Variants in SRR observed in about 807,000 individuals in gnomAD.
The protein encoded by SRR is serine racemase, also known as D-serine ammonia-lyase.
Under a neutral mutation model 32.7 loss-of-function variants are expected in SRR, and 19 were observed. The ratio of observed to expected loss-of-function variants is 0.58; its 90% CI spans 0.40 to 0.85. The LOEUF (loss-of-function observed/expected upper bound fraction) is 0.85. Ranked by LOEUF, SRR falls within the 40% of genes least tolerant of loss-of-function variation. SRR has a pLI of 0.00. For synonymous variants in SRR, 142 were observed against 140.9 expected (o/e 1.01, Z -0.06); for missense variants, 373 against 404.7 (o/e 0.92, Z 0.67).
At chr17:2,321,884 TCTC>T (rs1255597025) in intron 6 of SRR, among the ~76,000 whole-genome samples, 1 of 152,208 alleles carries the variant, frequency 6.6e-6, no homozygotes, top group African/African-American at 2.4e-5. Flanking sequence ...TTCAAGCGAT[TCTC>T]CTGTCTCAGC....
In SRR at chr17:2,323,050, C is replaced by A. The variant is rs2075546618; in HGVS notation, c.595-86C>A. On this transcript the variant is annotated intron_variant, in intron 6 of 7. Transcript: ENST00000344595. ...AAAGTGTTGGGATTACAGGTGTGAG[C>A]CACCACACCAGGCCCATATTTTCTT... The A allele has an allele frequency of 6.5e-6, 9 of 1,378,780 alleles. No individual in the cohort carries two copies. The Admixed American group carries it at 1.2e-4, about 19-fold the overall frequency. 85.4% of individuals were successfully genotyped at this position (1,378,780 alleles called of 1,614,324 possible).
At chr17:2,318,096 C>T in intron 3 of SRR, 100 bp downstream of exon 3, 1 of 1,304,612 alleles carries the variant, frequency 7.7e-7, no homozygotes, top group Non-Finnish European at 1.0e-6. Flanking sequence ...AGTAACTTTC[C>T]AAAGAAATCT....
At chr17:2,320,050 C>A (rs1205287447) in intron 4 of SRR, among the ~76,000 whole-genome samples, 6 of 150,886 alleles carry the variant, frequency 4.0e-5, no homozygotes, top group Non-Finnish European at 3.0e-5. Flanking sequence ...GATCTCCTGA[C>A]CTCGTGATCC....
chr17:2,303,506 C>A (rs539302681), upstream of SRR: 3 of 1,330,186 alleles, frequency 2.3e-6, no homozygotes, highest in Non-Finnish European at 2.9e-6. Flanking sequence ...GCCGCGGCCC[C>A]AGCGCCTACT....
At chr17:2,307,603 G>T in intron 1 of SRR, 2 of 979,968 alleles carry the variant, frequency 2.0e-6, no homozygotes, top group Non-Finnish European at 3.2e-6. Flanking sequence ...AACTTTGGAG[G>T]CAGAAGCTCT....
chr17:2,311,596 A>G (rs2075434393), intron 1 of SRR, among the ~76,000 whole-genome samples: 1 of 152,186 alleles, frequency 6.6e-6, no homozygotes, highest in South Asian at 2.1e-4. Context: ...AGCTGAGATC[A>G]TGCCAATGCA....
chr17:2,325,154 T>C lies in SRR; in HGVS notation c.*1281T>C. 1.5e-6 allele frequency: 1 copy of C among 660,586 alleles called. No homozygotes were observed. The allele number at this position is 660,586 out of a possible 1,614,324, so 40.9% of individuals were successfully genotyped here. A position where few individuals can be genotyped will look rare whatever the true frequency, so the allele number is the denominator to read the frequency against. ...AAAAGTTGGAGTTTTCATTGTTCTA[T>C]TAACAATGTTAAATGAAGACTTACT... On this transcript the variant is annotated 3_prime_UTR_variant, in exon 8 of 8. Coordinates refer to ENST00000344595, the MANE Select transcript of SRR (RefSeq NM_021947.3).
chr17:2,307,413 T>C lies in SRR; in HGVS notation c.-5+3396T>C. ...TCGGTAGGAATGACAACTTTGGTTG[T>C]GAAGGAAATTTCAGTGGTCATGGTG... On this transcript the variant is annotated intron_variant, in intron 1 of 7. Transcript: ENST00000344595. The C allele has an allele frequency of 2.4e-6, 3 of 1,235,754 alleles. No individual in the cohort carries two copies. The East Asian group carries it at 7.0e-5, about 29-fold the overall frequency. 76.5% of individuals were successfully genotyped at this position (1,235,754 alleles called of 1,614,324 possible).
chr17:2,312,823 G>T (rs1295459433), intron 1 of SRR, among the ~76,000 whole-genome samples: 4 of 152,084 alleles, frequency 2.6e-5, no homozygotes, highest in Non-Finnish European at 1.5e-5. Flanking sequence ...ACTGACGGAG[G>T]TACACAAAAA....
upstream of SRR, chr17:2,303,858 C>T (rs2075349749): frequency 1.7e-6 from 1 of 585,586 alleles, no homozygotes; most frequent in Non-Finnish European, 2.6e-6. Flanking sequence ...TTCCGAACGA[C>T]GGTGGCCGCG....
intron 2 of SRR, among the ~76,000 whole-genome samples, chr17:2,316,165 A>C (rs1217227128): frequency 6.6e-6 from 1 of 152,182 alleles, no homozygotes; most frequent in African/African-American, 2.4e-5. Context: ...AGCTGCCTAC[A>C]GTATTCAGTA....
Position 2,323,278 on chromosome 17 carries a change from TG to T in SRR, c.738del (p.Asn247ThrfsTer32). ...IADGVKSSIG[L>X]NTWPIIRDLV... ...GATGGTGTCAAATCCAGCATTGGCT[TG>T]AACACCTGGCCTATTATCAGGGACC... On this transcript the variant is annotated frameshift_variant, in exon 7 of 8. Coordinates refer to ENST00000344595, the MANE Select transcript of SRR (RefSeq NM_021947.3). LOFTEE classifies it high-confidence loss of function. 5 of 1,614,170 alleles carry T rather than the reference TG, an allele frequency of 3.1e-6. No homozygotes were observed. The highest frequency in any genetic ancestry group is 4.2e-6 in the Non-Finnish European group (5 of 1,180,010).
Position 2,324,836 on chromosome 17 carries a change from G to A in SRR, c.*963G>A. 1 of 1,601,800 alleles carries A rather than the reference G, an allele frequency of 6.2e-7. No individual in the cohort carries two copies. Among genetic ancestry groups the A allele is most frequent in the Non-Finnish European group, 8.5e-7 (1 of 1,176,606 alleles). ...GCAATGAGGCTGTGCATTCCTAAAG[G>A]ACAAAAGCAAAGAAGCTATTTAGGA... On this transcript the variant is annotated 3_prime_UTR_variant, in exon 8 of 8. Coordinates refer to ENST00000344595, the MANE Select transcript of SRR (RefSeq NM_021947.3).
chr17:2,306,037 G>T (rs1328768176), intron 1 of SRR, among the ~76,000 whole-genome samples: 1 of 147,080 alleles, frequency 6.8e-6, no homozygotes, highest in Non-Finnish European at 1.5e-5. Flanking sequence ...GTACAAGTTG[G>T]CCGGGCGCGG....
intron 1 of SRR, among the ~76,000 whole-genome samples, chr17:2,308,022 A>T (rs2075405254): frequency 6.6e-6 from 1 of 150,388 alleles, no homozygotes; most frequent in Non-Finnish European, 1.5e-5. Context: ...TAATAGTCTG[A>T]TCGTGACACT....
chr17:2,311,026 G>GT (rs2075430051), intron 1 of SRR, among the ~76,000 whole-genome samples: 1 of 150,938 alleles, frequency 6.6e-6, no homozygotes, highest in Non-Finnish European at 1.5e-5. Flanking sequence ...GATTACAGGC[G>GT]TGACCCACCA....
chr17:2,325,211 A>G lies in SRR; in HGVS notation c.*1338A>G, dbSNP rs2075568751. 1.1e-6 allele frequency: 1 copy of G among 897,706 alleles called. No homozygotes were observed. Among genetic ancestry groups the G allele is most frequent in the Non-Finnish European group, 1.7e-6 (1 of 582,616 alleles). The allele number at this position is 897,706 out of a possible 1,614,324, so 55.6% of individuals were successfully genotyped here. ...TGAAAACCATCATTACCTTCTCCAT[A>G]CCATTTGGCTCCCAAATTTAAATAA... On this transcript the variant is annotated 3_prime_UTR_variant, in exon 8 of 8. Coordinates refer to ENST00000344595, the MANE Select transcript of SRR (RefSeq NM_021947.3).
intron 2 of SRR, among the ~76,000 whole-genome samples, chr17:2,316,480 G>T (rs2151433266): frequency 6.6e-6 from 1 of 152,294 alleles, no homozygotes. Flanking sequence ...CTCTGTATAT[G>T]ACCCAAGTTT....
intron 2 of SRR, 42 bp from the exon 3 acceptor site, chr17:2,317,828 T>C (rs536721050): frequency 1.3e-6 from 2 of 1,589,464 alleles, no homozygotes; most frequent in South Asian, 1.1e-5. Context: ...TCCAAAACAA[T>C]GTTTTAATCA....
Sources: allele counts gnomAD v4.1 joint callset (sites outside exome capture counted in the v4.1 genomes callset), GRCh38; gene constraint gnomAD v4.1.1; transcripts MANE v1.5; gene names NCBI Gene and HGNC (gene_info 2026-07-23, HGNC 2026-07-21).